The following PKIG variants were observed in gnomAD, a reference collection of about 807,000 sequenced individuals.
PKIG encodes the protein protein kinase (cAMP-dependent, catalytic) inhibitor gamma.
A neutral mutation model predicts 6.8 loss-of-function variants in PKIG; 1 was observed. That is an observed-to-expected ratio of 0.15 (90% CI 0.05 to 0.69). PKIG has a LOEUF of 0.69. PKIG is among the 30% of genes least tolerant of loss of function. PKIG has a pLI of 0.82. For synonymous variants in PKIG, 39 were observed against 43.0 expected (o/e 0.91, Z 0.36); for missense variants, 77 against 104.0 (o/e 0.74, Z 1.13).
At chr20:44,611,889 T>C (rs1379852930) in intron 2 of PKIG, among the ~76,000 whole-genome samples, 1 of 152,178 alleles carries the variant, frequency 6.6e-6, no homozygotes, top group Non-Finnish European at 1.5e-5. Context: ...TTTCTGTGTC[T>C]GGCTTATTTC....
At chr20:44,561,474 C>A (rs1170423206) in intron 1 of PKIG, among the ~76,000 whole-genome samples, 2 of 152,032 alleles carry the variant, frequency 1.3e-5, no homozygotes, top group African/African-American at 2.4e-5. Context: ...GATTACCTAG[C>A]AAGAGAGAAC....
At chr20:44,617,117 T>C (rs376091767) in intron 3 of PKIG, among the ~76,000 whole-genome samples, 1 of 152,292 alleles carries the variant, frequency 6.6e-6, no homozygotes, top group East Asian at 1.9e-4. Context: ...TACACCTCCA[T>C]GTTACTGTGT....
chr20:44,610,555 A>C (rs2123464634), intron 2 of PKIG, among the ~76,000 whole-genome samples: 1 of 143,706 alleles, frequency 7.0e-6, no homozygotes, highest in South Asian at 2.2e-4. Flanking sequence ...GCTCAACCCC[A>C]CCCTGGGTGC....
At chr20:44,558,721 TTTCCCTTCC>T (rs1031836492) in intron 1 of PKIG, among the ~76,000 whole-genome samples, 4 of 151,192 alleles carry the variant, frequency 2.6e-5, no homozygotes, top group East Asian at 1.9e-4. Flanking sequence ...TCTTCCCTTC[TTTCCCTTCC>T]TTCCCTTCCT....
intron 3 of PKIG, among the ~76,000 whole-genome samples, chr20:44,616,916 C>T (rs188956515): frequency 3.9e-5 from 6 of 152,322 alleles, no homozygotes; most frequent in African/African-American, 7.2e-5. Flanking sequence ...CCTAGCTTGC[C>T]GCAGGGGCAC....
intron 1 of PKIG, among the ~76,000 whole-genome samples, chr20:44,571,483 C>T (rs1268396271): frequency 6.6e-6 from 1 of 152,120 alleles, no homozygotes; most frequent in Non-Finnish European, 1.5e-5. Context: ...TAATTGTCTA[C>T]CATCATCCAT....
chr20:44,597,705 C>T lies in PKIG; in HGVS notation c.-24+7839C>T, dbSNP rs78177293. ...GTGGCTGGGCATGCTGGGTCCTCCC[C>T]GGGCCTCCTGCTGCGGATGTATGAT... On this transcript the variant is annotated intron_variant, in intron 2 of 3. Transcript: ENST00000372886. Among the ~76,000 whole-genome samples, 1,437 of 152,232 alleles carry T rather than the reference C, an allele frequency of 9.4e-3. 88 individuals carry two copies. The East Asian group carries it at 0.17, about 18-fold the overall frequency.
chr20:44,562,324 A>G (rs1465015035), intron 1 of PKIG, among the ~76,000 whole-genome samples: 1 of 152,006 alleles, frequency 6.6e-6, no homozygotes, highest in Non-Finnish European at 1.5e-5. Context: ...CAAAATCAAG[A>G]ATGAAAAAGA....
intron 1 of PKIG, among the ~76,000 whole-genome samples, chr20:44,549,880 A>G (rs1195016266): frequency 1.3e-5 from 2 of 152,112 alleles, no homozygotes; most frequent in South Asian, 2.1e-4. Flanking sequence ...GATTTTTGTA[A>G]TTATAGGAAT....
At chr20:44,601,480 T>C (rs2065121140) in intron 2 of PKIG, among the ~76,000 whole-genome samples, 1 of 152,254 alleles carries the variant, frequency 6.6e-6, no homozygotes, top group Non-Finnish European at 1.5e-5. Flanking sequence ...TCCCAGGTTC[T>C]TGGAATATTC....
In PKIG at chr20:44,555,018, G is replaced by A. The variant is rs2064701337; in HGVS notation, c.-241+23040G>A. ...TTTGTTGAAGCTTAATATCATTTAA[G>A]TGTCCTATTTTAATATCTGTTTTAA... On this transcript the variant is annotated intron_variant, in intron 1 of 4. Transcript: ENST00000372887. Among the ~76,000 whole-genome samples, 3 of 152,112 alleles carry A rather than the reference G, an allele frequency of 2.0e-5. 1 individual carries two copies.
chr20:44,596,617 A>G (rs865841902), intron 2 of PKIG, among the ~76,000 whole-genome samples: 16 of 152,200 alleles, frequency 1.1e-4, no homozygotes, highest in African/African-American at 4.8e-5. Flanking sequence ...CCTATGTAGC[A>G]AGTTCTGGGT....
intron 1 of PKIG, among the ~76,000 whole-genome samples, chr20:44,589,477 G>A (rs569031113): frequency 1.6e-4 from 24 of 152,180 alleles, no homozygotes; most frequent in Middle Eastern, 6.8e-3. Context: ...CTTTGAAGTT[G>A]CTGTATAGTT....
At chr20:44,539,629 G>A (rs1370133336) in intron 1 of PKIG, among the ~76,000 whole-genome samples, 2 of 151,932 alleles carry the variant, frequency 1.3e-5, no homozygotes, top group African/African-American at 4.8e-5. Flanking sequence ...ATGTTGACCA[G>A]GCTGGTCTTG....
In PKIG at chr20:44,598,522, CATGGGCAGACCTGGAGTGTG is replaced by C. The variant is rs1646122097; in HGVS notation, c.-24+8658_-24+8677del. 4.6e-5 allele frequency: 7 copies of C among 152,328 alleles called. No homozygotes were observed. In the South Asian group the frequency reaches 1.5e-3, roughly 32 times the overall value. The allele number at this position is 152,328 out of a possible 1,614,324, so 9.4% of individuals were successfully genotyped here. A position where few individuals can be genotyped will look rare whatever the true frequency, so the allele number is the denominator to read the frequency against. On this transcript the variant is annotated intron_variant, in intron 2 of 3. Coordinates refer to ENST00000372886, the MANE Select transcript of PKIG (RefSeq NM_001281445.2). ...CCTTGTCCAGAGGTGCCCAGCCTGG[CATGGGCAGACCTGGAGTGTG>C]ACCCAGCCCCTAGGCCTTTGGCAGG...
At chr20:44,550,463 CAGAA>C (rs909238049) in intron 1 of PKIG, among the ~76,000 whole-genome samples, 23 of 151,826 alleles carry the variant, frequency 1.5e-4, no homozygotes, top group Non-Finnish European at 3.1e-4. Context: ...AAAAAGAAGT[CAGAA>C]AGAGCCAAAT....
In PKIG at chr20:44,610,902, A is replaced by G. The variant is rs1031339283; in HGVS notation, c.-23-3632A>G. On this transcript the variant is annotated intron_variant, in intron 2 of 3. Coordinates refer to ENST00000372886, the MANE Select transcript of PKIG (RefSeq NM_001281445.2). Reference sequence around the variant, plus strand: ...TTTTTTTACTGACATGTCATTGTATATATTTGTGGGGTGCAACTTGATGTT... The same window carrying G: ...TTTTTTTACTGACATGTCATTGTATGTATTTGTGGGGTGCAACTTGATGTT... 7.2e-5 allele frequency among the ~76,000 whole-genome samples: 11 copies of G among 151,880 alleles called. 1 individual carries two copies. The highest frequency in any genetic ancestry group is 9.7e-5 in the African/African-American group (4 of 41,336).
chr20:44,541,133 T>C (rs2064558080), intron 1 of PKIG, among the ~76,000 whole-genome samples: 1 of 152,210 alleles, frequency 6.6e-6, no homozygotes, highest in African/African-American at 2.4e-5. Flanking sequence ...GCCCTCATTT[T>C]ATTCCTGCCC....
At chr20:44,533,525 G>A (rs1034064154) in intron 1 of PKIG, among the ~76,000 whole-genome samples, 1 of 152,206 alleles carries the variant, frequency 6.6e-6, no homozygotes, top group African/African-American at 2.4e-5. Flanking sequence ...GGAGATTCAG[G>A]TAGAGTTTTG....
Sources: gnomAD v4.1 joint callset for allele counts (sites outside exome capture counted in the v4.1 genomes callset) on GRCh38, gnomAD v4.1.1 for gene constraint, MANE v1.5 for transcripts, NCBI Gene and HGNC (gene_info 2026-07-23, HGNC 2026-07-21) for gene names.